PIWIL2: variants seen among roughly 807,000 people sequenced by gnomAD.
PIWIL2 encodes the protein piwi like RNA-mediated gene silencing 2.
PIWIL2 carries 81 observed loss-of-function variants against 116.5 expected under a neutral mutation model. The observed-to-expected ratio is 0.70, with a 90% CI of 0.58 to 0.84. The LOEUF (loss-of-function observed/expected upper bound fraction) is 0.84. Among genes scored for constraint, PIWIL2 ranks in the 40% least tolerant of loss-of-function variants. The probability of loss-of-function intolerance (pLI) is 0.00; values close to 1 mark genes in which losing one functional copy is unlikely to be tolerated. For synonymous variants in PIWIL2, 489 were observed against 429.5 expected, an observed-to-expected ratio of 1.14 and a Z score of -1.71; for missense variants, 1,272 against 1,212.3, an observed-to-expected ratio of 1.05 and a Z score of -0.73.
In PIWIL2 at chr8:22,355,639, A is replaced by G. The variant is rs1019323405; in HGVS notation, c.*134A>G. 114 of 767,942 alleles carry G rather than the reference A, an allele frequency of 1.5e-4. No individual in the cohort carries two copies. The highest frequency in any genetic ancestry group is 2.2e-4 in the Non-Finnish European group (106 of 488,940). 47.6% of individuals were successfully genotyped at this position (767,942 alleles called of 1,614,324 possible). A position where few individuals can be genotyped will look rare whatever the true frequency, so the allele number is the denominator to read the frequency against. ...CCTTTCTCCAACCCTGTAGAATAAG[A>G]TTTCTTTCTTGTCTTTTAAACCTAA... is the stretch of plus-strand genomic sequence containing the variant. On this transcript the variant is annotated 3_prime_UTR_variant, in exon 23 of 23. Coordinates refer to ENST00000356766, the MANE Select transcript of PIWIL2 (RefSeq NM_018068.5).
At chr8:22,333,963 GT>G (rs1342289686) in intron 20 of PIWIL2, among the ~76,000 whole-genome samples, 2 of 150,906 alleles carry the variant, frequency 1.3e-5, no homozygotes, top group East Asian at 2.0e-4. Flanking sequence ...TGGGTACAGA[GT>G]TTTTTTGTGT....
At chr8:22,324,506 TCTA>T (rs1209971879) in intron 20 of PIWIL2, among the ~76,000 whole-genome samples, 1 of 152,168 alleles carries the variant, frequency 6.6e-6, no homozygotes, top group East Asian at 1.9e-4. Flanking sequence ...GTGGGTTTTC[TCTA>T]CTACTAGGCA....
At chr8:22,343,052 A>C (rs1832145399) in intron 20 of PIWIL2, among the ~76,000 whole-genome samples, 1 of 151,302 alleles carries the variant, frequency 6.6e-6, no homozygotes, top group Admixed American at 6.6e-5. Context: ...GCAGATCATG[A>C]GGCCAGGAGT....
chr8:22,351,453 ATATATATATATATAT>A (rs1832356260), intron 20 of PIWIL2, among the ~76,000 whole-genome samples: 1 of 76,578 alleles, frequency 1.3e-5, no homozygotes, highest in African/African-American at 7.2e-5. Flanking sequence ...ATATATATAT[ATATATATATATATAT>A]ATATATATAT....
In PIWIL2 at chr8:22,314,353, T is replaced by C; in HGVS notation, c.2015T>C (p.Ile672Thr). Reference sequence around the variant, plus strand: ...GGGAAGATACAGATGGTTGTTTGCATCATCATGGGCCCACGTGATGATCTC... The same window carrying C: ...GGGAAGATACAGATGGTTGTTTGCACCATCATGGGCCCACGTGATGATCTC... ...AEGKIQMVVCIIMGPRDDLYG... is the reference protein window; with the variant it reads ...AEGKIQMVVCTIMGPRDDLYG... The change falls in exon 17 of 23, where the codon ATC becomes ACC. Residue 672 changes from isoleucine (I) to threonine (T), a missense_variant. By Grantham distance (89) the Ile-to-Thr change is moderately conservative. Transcript: ENST00000356766. 2 of 1,572,646 alleles carry C rather than the reference T, an allele frequency of 1.3e-6. No homozygotes were observed. The highest frequency in any genetic ancestry group is 1.7e-6 in the Non-Finnish European group (2 of 1,156,872).
chr8:22,352,734 A>G, intron 20 of PIWIL2: 1 of 465,634 alleles, frequency 2.1e-6, no homozygotes, highest in Non-Finnish European at 3.8e-6. Flanking sequence ...TTTTGCTTTC[A>G]TGTTTTATAA....
chr8:22,279,245 T>C, intron 1 of PIWIL2, 96 bp from the exon 2 acceptor site: 1 of 671,804 alleles, frequency 1.5e-6, no homozygotes, highest in Non-Finnish European at 2.7e-6. Context: ...GGCGTGTTAC[T>C]GGACTGACTC....
Position 22,307,971 on chromosome 8 carries a change from C to A in PIWIL2, c.1584C>A (p.His528Gln). The change falls in exon 14 of 23, where the codon CAC becomes CAA. Residue 528 changes from histidine (H) to glutamine (Q), a missense_variant. Coordinates refer to ENST00000356766, the MANE Select transcript of PIWIL2 (RefSeq NM_018068.5). ...AQQINLSPKQHHSALECLLQR... is the reference protein window; with the variant it reads ...AQQINLSPKQQHSALECLLQR... ...AAATCAATCTGAGCCCCAAGCAACA[C>A]CATAGTGCTTTGGAATGCTTGCTGC... is the stretch of plus-strand genomic sequence containing the variant. 1.2e-6 allele frequency: 2 copies of A among 1,612,826 alleles called. No homozygotes were observed. The highest frequency in any genetic ancestry group is 1.7e-6 in the Non-Finnish European group (2 of 1,179,180).
rs1830858601 is a variant in PIWIL2 at position 22,294,900 on chromosome 8, G to GGA, written c.1181+4554_1181+4555insGA. On this transcript the variant is annotated intron_variant, in intron 10 of 22. Coordinates refer to ENST00000356766, the MANE Select transcript of PIWIL2 (RefSeq NM_018068.5). ...ACATGGTGAAATCCCATCTTTACTG[G>GGA]AAAAAAAAAAAAAAAAAAAAAAAAA... Among the ~76,000 whole-genome samples, 6 of 93,656 alleles carry GGA rather than the reference G, an allele frequency of 6.4e-5. No individual in the cohort carries two copies. In the East Asian group the frequency reaches 1.7e-3, roughly 27 times the overall value. 61.4% of individuals were successfully genotyped at this position (93,656 alleles called of 152,430 possible). A position where few individuals can be genotyped will look rare whatever the true frequency, so the allele number is the denominator to read the frequency against.
intron 7 of PIWIL2, 60 bp downstream of exon 7, chr8:22,287,705 G>C: frequency 9.1e-7 from 1 of 1,104,944 alleles, no homozygotes; most frequent in Non-Finnish European, 1.4e-6. Context: ...GGCGTTTTTT[G>C]TTTGGTTTTG....
chr8:22,287,499 A>T, intron 6 of PIWIL2, 29 bp from the exon 7 acceptor site: 1 of 1,441,090 alleles, frequency 6.9e-7, no homozygotes, highest in African/African-American at 1.4e-5. Context: ...GAGTCAAGTT[A>T]AAGGAAAATC....
At chr8:22,291,748 C>A (rs1331228620) in intron 10 of PIWIL2, among the ~76,000 whole-genome samples, 1 of 152,134 alleles carries the variant, frequency 6.6e-6, no homozygotes, top group Non-Finnish European at 1.5e-5. Context: ...TGTATACTTA[C>A]TGAGCTCCAG....
chr8:22,354,365 G>T lies in PIWIL2; in HGVS notation c.2752G>T (p.Asp918Tyr). The T allele has an allele frequency of 6.2e-7, 1 of 1,607,682 alleles. No individual in the cohort carries two copies. The highest frequency in any genetic ancestry group is 1.1e-5 in the South Asian group (1 of 90,942). ...CVLNTANLSP[D>Y]HMQRLTFKLC... is the part of the protein sequence containing the mutation. ...TCTCAACACCGCAAACCTGAGCCCT[G>T]ATCATATGCAGAGGTGGGCCCATCA... The change falls in exon 22 of 23, where the codon GAT becomes TAT. Residue 918 changes from aspartate to tyrosine, a missense_variant. By Grantham distance (160) the Asp-to-Tyr change is radical (BLOSUM62 -3). Coordinates refer to ENST00000356766, the MANE Select transcript of PIWIL2 (RefSeq NM_018068.5).
chr8:22,317,614 G>T (rs969280850), intron 19 of PIWIL2, among the ~76,000 whole-genome samples: 2 of 151,734 alleles, frequency 1.3e-5, no homozygotes, highest in East Asian at 1.9e-4. Flanking sequence ...AGCAGTTTTT[G>T]TAGGAAATAT....
At position 22,355,586 on chromosome 8, in the gene PIWIL2, T is replaced by A; in HGVS notation, c.*81T>A. On this transcript the variant is annotated 3_prime_UTR_variant, in exon 23 of 23. Transcript: ENST00000356766. ...TGACTCTTGCAGAATCAACAGAGACTGAAGTGGGCTTTTGTGTTATAATTT... is the reference window on the plus strand; with the variant it reads ...TGACTCTTGCAGAATCAACAGAGACAGAAGTGGGCTTTTGTGTTATAATTT... 1 of 1,255,302 alleles carries A rather than the reference T, an allele frequency of 8.0e-7. No individual in the cohort carries two copies. Among genetic ancestry groups the A allele is most frequent in the African/African-American group, 1.5e-5 (1 of 67,836 alleles). 77.8% of individuals were successfully genotyped at this position (1,255,302 alleles called of 1,614,324 possible).
At chr8:22,339,971 G>T (rs75861903) in intron 20 of PIWIL2, among the ~76,000 whole-genome samples, 1 of 151,372 alleles carries the variant, frequency 6.6e-6, no homozygotes, top group African/African-American at 2.4e-5. Context: ...ACTACAGACC[G>T]ATGTTTGTCA....
intron 5 of PIWIL2, 137 bp from the exon 6 acceptor site, chr8:22,284,025 T>A (rs1215912361): frequency 1.9e-6 from 1 of 534,742 alleles, no homozygotes; most frequent in Non-Finnish European, 3.3e-6. Flanking sequence ...GTGTTGCCTC[T>A]TGATATGTGT....
In PIWIL2 at chr8:22,308,006, C is replaced by G. The variant is rs557946243; in HGVS notation, c.1619C>G (p.Ala540Gly). Reference sequence around the variant, plus strand: ...TTGGAATGCTTGCTGCAAAGAATTGCAAAGAACGAGGCAGCCACCAATGAA... The same window carrying G: ...TTGGAATGCTTGCTGCAAAGAATTGGAAAGAACGAGGCAGCCACCAATGAA... ...SALECLLQRI[A>G]KNEAATNELM... Residue 540 changes from alanine (A) to glycine (G), a missense_variant, in exon 14 of 23, where the codon GCA becomes GGA. Ala to Gly is a moderately conservative substitution (Grantham distance 60, BLOSUM62 0). Transcript: ENST00000356766. 2.4e-5 allele frequency: 39 copies of G among 1,613,674 alleles called. No homozygotes were observed. Among genetic ancestry groups the G allele is most frequent in the Admixed American group, 1.7e-5 (1 of 59,956 alleles).
chr8:22,285,150 C>G (rs1830601670), intron 6 of PIWIL2, among the ~76,000 whole-genome samples: 1 of 152,028 alleles, frequency 6.6e-6, no homozygotes, highest in African/African-American at 2.4e-5. Context: ...CTATGGTTAC[C>G]ATAGATCACT....
Sources: allele counts gnomAD v4.1 joint callset (sites outside exome capture counted in the v4.1 genomes callset), GRCh38; gene constraint gnomAD v4.1.1; transcripts MANE v1.5; gene names NCBI Gene and HGNC (gene_info 2026-07-23, HGNC 2026-07-21).